Variants in POLA1 observed in about 807,000 individuals in gnomAD.
POLA1 encodes the protein DNA polymerase alpha catalytic subunit.
POLA1 carries 15 observed loss-of-function variants against 124.0 expected under a neutral mutation model. The observed-to-expected ratio is 0.12, with a 90% confidence interval of 0.08 to 0.19. POLA1 has a LOEUF of 0.19. Among genes scored for constraint, POLA1 ranks in the 10% least tolerant of loss-of-function variants. The probability of loss-of-function intolerance (pLI) is 1.00; values close to 1 mark genes in which losing one functional copy is unlikely to be tolerated. For synonymous variants in POLA1, 408 were observed against 389.4 expected, an observed-to-expected ratio of 1.05 and a Z score of -0.56; for missense variants, 886 against 1,103.4, an observed-to-expected ratio of 0.80 and a Z score of 2.79.
At chrX:24,902,762 G>C (rs928747454) in intron 35 of POLA1, among the ~76,000 whole-genome samples, 1 of 111,498 alleles carries the variant, frequency 9.0e-6, no homozygotes, top group Non-Finnish European at 1.9e-5. Flanking sequence ...CACAGTTTAT[G>C]GAAAAACAGA....
At chrX:24,836,460 C>T (rs949675230) in intron 32 of POLA1, among the ~76,000 whole-genome samples, 2 of 112,102 alleles carry the variant, frequency 1.8e-5, no homozygotes, top group African/African-American at 6.5e-5. Context: ...CGGTTCTACT[C>T]GTTTACACTT....
At chrX:24,732,282 A>G in intron 15 of POLA1, 88 bp from the exon 16 acceptor site, 1 of 628,131 alleles carries the variant, frequency 1.6e-6, no homozygotes, top group Non-Finnish European at 2.7e-6. Flanking sequence ...TTAAATGTGT[A>G]TCTTTAAATA....
Position 24,995,795 on chromosome X carries a change from C to G in POLA1, c.4262-10C>G, listed in dbSNP as rs1488159675. ...CCTGAGACTTCTAATCTCTCTCTCTCTCTTTTTAGATAAATTGAAGAAGCA... is the reference window on the plus strand; with the variant it reads ...CCTGAGACTTCTAATCTCTCTCTCTGTCTTTTTAGATAAATTGAAGAAGCA... On this transcript the variant is annotated splice_polypyrimidine_tract_variant and intron_variant, in intron 36 of 36. Coordinates refer to ENST00000379068, the MANE Select transcript of POLA1 (RefSeq NM_001330360.2). 5 of 1,197,457 alleles carry G rather than the reference C, an allele frequency of 4.2e-6. No homozygotes were observed. Among genetic ancestry groups the G allele is most frequent in the Non-Finnish European group, 5.7e-6 (5 of 883,628 alleles).
intron 34 of POLA1, among the ~76,000 whole-genome samples, chrX:24,876,873 T>C (rs2046943078): frequency 8.9e-6 from 1 of 112,178 alleles, no homozygotes; most frequent in South Asian, 3.7e-4. Context: ...ATATAAATTT[T>C]GTGTTCATTT....
chrX:24,994,080 T>C (rs140990994), intron 36 of POLA1, among the ~76,000 whole-genome samples: 101 of 112,575 alleles, frequency 9.0e-4, no homozygotes, highest in African/African-American at 3.1e-3. Flanking sequence ...GATGCATTTG[T>C]GTCATTCACA....
At position 24,878,917 on chromosome X, in the gene POLA1, C is replaced by T. The variant is rs185474865; in HGVS notation, c.4048-9089C>T. 3.8e-3 allele frequency among the ~76,000 whole-genome samples: 424 copies of T among 110,518 alleles called. 2 individuals are homozygous for T. Among genetic ancestry groups the T allele is most frequent in the Non-Finnish European group, 6.3e-3 (334 of 52,769 alleles). On this transcript the variant is annotated intron_variant, in intron 34 of 36. Coordinates refer to ENST00000379068, the MANE Select transcript of POLA1 (RefSeq NM_001330360.2). Reference sequence around the variant, plus strand: ...CAAGCTCTTGGCAAAACTGTCTCCTCGTTAATAATTCTGATTATAAGAACA... The same window carrying T: ...CAAGCTCTTGGCAAAACTGTCTCCTTGTTAATAATTCTGATTATAAGAACA...
chrX:24,914,520 C>A (rs1207980010), intron 35 of POLA1, among the ~76,000 whole-genome samples: 8 of 101,928 alleles, frequency 7.8e-5, no homozygotes, highest in African/African-American at 1.2e-4. Flanking sequence ...CATCTCCCCC[C>A]ACCCCCGCAA....
chrX:24,951,895 A>C (rs771376755), intron 36 of POLA1, among the ~76,000 whole-genome samples: 2 of 111,848 alleles, frequency 1.8e-5, no homozygotes, highest in Non-Finnish European at 3.8e-5. Context: ...AAAATAGAAG[A>C]GTTTCTTGTC....
intron 36 of POLA1, among the ~76,000 whole-genome samples, chrX:24,978,124 GT>G (rs1464103071): frequency 8.9e-6 from 1 of 111,973 alleles, no homozygotes; most frequent in African/African-American, 3.2e-5. Flanking sequence ...GGATTTGGGA[GT>G]TTACAGAGCA....
At chrX:24,806,063 T>G (rs1289824826) in intron 26 of POLA1, among the ~76,000 whole-genome samples, 30 of 16,646 alleles carry the variant, frequency 1.8e-3, no homozygotes, top group Admixed American at 3.9e-3. Flanking sequence ...GTTTTTTTTT[T>G]TTTTTTTTTT....
chrX:24,874,569 A>T (rs1281217711), intron 34 of POLA1, among the ~76,000 whole-genome samples: 4 of 112,157 alleles, frequency 3.6e-5, no homozygotes, highest in Non-Finnish European at 1.9e-5. Context: ...ATTGTTCAGA[A>T]AATAATCACC....
chrX:24,955,730 G>T lies in POLA1; in HGVS notation c.4261+25181G>T, dbSNP rs143408607. On this transcript the variant is annotated intron_variant, in intron 36 of 36. Coordinates refer to ENST00000379068, the MANE Select transcript of POLA1 (RefSeq NM_001330360.2). Reference sequence around the variant, plus strand: ...TTTCAGCTACTTTGAGAATCCAGCTGCAGAGTTGCCTTTGATTTTGGTTGT... The same window carrying T: ...TTTCAGCTACTTTGAGAATCCAGCTTCAGAGTTGCCTTTGATTTTGGTTGT... Among the ~76,000 whole-genome samples, 750 of 111,783 alleles carry T rather than the reference G, an allele frequency of 6.7e-3. 13 individuals are homozygous for T. The highest frequency in any genetic ancestry group is 0.058 in the Admixed American group (612 of 10,543).
At chrX:24,850,417 A>C (rs995853395) in intron 34 of POLA1, among the ~76,000 whole-genome samples, 2 of 112,685 alleles carry the variant, frequency 1.8e-5, no homozygotes, top group Admixed American at 1.9e-4. Context: ...TCTAATAAGC[A>C]AATAAGTTCA....
intron 4 of POLA1, among the ~76,000 whole-genome samples, 162 bp from the exon 5 acceptor site, chrX:24,714,392 G>T (rs771561582): frequency 8.9e-6 from 1 of 112,458 alleles, no homozygotes; most frequent in Non-Finnish European, 1.9e-5. Context: ...TCCTGATCTC[G>T]TGATCCTCCC....
chrX:24,702,428 C>G (rs1318215755), intron 2 of POLA1, among the ~76,000 whole-genome samples: 1 of 112,666 alleles, frequency 8.9e-6, no homozygotes, highest in Non-Finnish European at 1.9e-5. Flanking sequence ...AGAGTCTCAT[C>G]TGGAAAGTCA....
At chrX:24,702,279 G>C (rs1928502983) in intron 2 of POLA1, among the ~76,000 whole-genome samples, 1 of 110,563 alleles carries the variant, frequency 9.0e-6, no homozygotes, top group African/African-American at 3.3e-5. Flanking sequence ...ATGTTGGCCA[G>C]GCTGGCCTCA....
intron 35 of POLA1, among the ~76,000 whole-genome samples, chrX:24,891,619 T>C (rs2047143872): frequency 2.7e-5 from 3 of 111,878 alleles, no homozygotes; most frequent in Non-Finnish European, 5.6e-5. Context: ...AGGATTATAC[T>C]CATCTGGTTC....
chrX:24,897,621 C>T (rs1289210876), intron 35 of POLA1, among the ~76,000 whole-genome samples: 1 of 112,167 alleles, frequency 8.9e-6, no homozygotes, highest in African/African-American at 3.2e-5. Flanking sequence ...TTTTCTTTCT[C>T]CCCAGAGACC....
intron 34 of POLA1, among the ~76,000 whole-genome samples, chrX:24,883,663 A>G (rs934415839): frequency 8.9e-6 from 1 of 112,403 alleles, no homozygotes; most frequent in African/African-American, 3.2e-5. Context: ...TTGTTTTGCT[A>G]TTGGACAGGC....
Sources: gnomAD v4.1 joint callset for allele counts (sites outside exome capture counted in the v4.1 genomes callset) on GRCh38, gnomAD v4.1.1 for gene constraint, MANE v1.5 for transcripts, NCBI Gene and HGNC (gene_info 2026-07-23, HGNC 2026-07-21) for gene names.